Variants in MAP3K12 observed in about 807,000 individuals in gnomAD.
MAP3K12 encodes the protein mitogen-activated protein kinase kinase kinase 12.
MAP3K12 carries 14 observed loss-of-function variants against 87.5 expected under a neutral mutation model. The observed-to-expected ratio is 0.16, with a 90% CI of 0.11 to 0.25. MAP3K12 has a LOEUF of 0.25. MAP3K12 is among the 10% of genes least tolerant of loss of function. The pLI, the probability that MAP3K12 is intolerant of heterozygous loss-of-function variation, is 1.00. For missense variants in MAP3K12, 802 were observed against 1,140.4 expected (o/e 0.70, Z 4.27); for synonymous variants, 469 against 452.5 (o/e 1.04, Z -0.46).
chr12:53,485,816 A>G (rs192641286), intron 4 of MAP3K12: 146 of 541,440 alleles, frequency 2.7e-4, no homozygotes, highest in Admixed American at 1.1e-3. Flanking sequence ...TCGGCCTCCC[A>G]AAGTGTTGGG....
At position 53,482,464 on chromosome 12, in the gene MAP3K12, A is replaced by T. The variant is rs565838164; in HGVS notation, c.2239-95T>A. Reference sequence around the variant, plus strand: ...GGAACATAGTTACGAAGGGTGAAGTAGGGAATGGCTTAAAATTGAGCATAA... The same window carrying T: ...GGAACATAGTTACGAAGGGTGAAGTTGGGAATGGCTTAAAATTGAGCATAA... On this transcript the variant is annotated intron_variant, in intron 11 of 13. Transcript: ENST00000547488. 688 of 1,606,766 alleles carry T rather than the reference A, an allele frequency of 4.3e-4. 1 individual carries two copies. Among genetic ancestry groups the T allele is most frequent in the Non-Finnish European group, 5.6e-4 (663 of 1,175,938 alleles).
In MAP3K12 at chr12:53,484,316, G is replaced by C; in HGVS notation, c.1189C>G (p.Leu397Val). 1 of 1,614,224 alleles carries C rather than the reference G, an allele frequency of 6.2e-7. No homozygotes were observed. The highest frequency in any genetic ancestry group is 1.1e-5 in the South Asian group (1 of 91,084). The change falls in exon 7 of 14, where the codon CTG becomes GTG. Residue 397 changes from leucine to valine, a missense_variant. Physicochemically the swap from Leu to Val is conservative, Grantham distance 32. Around this residue, in one of 5 missense-constraint regions of MAP3K12, gnomAD observed 99 missense variants for 193.4 expected, o/e 0.51. Transcript: ENST00000547488. The part of the protein sequence containing the change: ...RPSFRQILLH[L>V]DIASADVLST... ...AGTACATCAGCTGAGGCAATGTCCA[G>C]ATGCAGCAGGATCTGTCGGAATGAT... is the stretch of plus-strand genomic sequence containing the variant.
intron 1 of MAP3K12, among the ~76,000 whole-genome samples, chr12:53,496,502 G>C (rs1052295971): frequency 5.3e-5 from 8 of 152,206 alleles, no homozygotes; most frequent in African/African-American, 1.9e-4. Flanking sequence ...GGCAAGAGCA[G>C]GGTAGGATGG....
chr12:53,486,729 A>G lies in MAP3K12; in HGVS notation c.446-107T>C. On this transcript the variant is annotated intron_variant, in intron 2 of 13. Coordinates refer to ENST00000547488, the MANE Select transcript of MAP3K12 (RefSeq NM_001193511.2). This position sits in a 1 kb window ranked among gnomAD's most constrained non-coding sequence, Gnocchi z 4.9. ...AATTGACTTAAGGAGGGTGAGGCAG[A>G]AAGCCAAAAATAGGCCAAGAAGAAG... The G allele has an allele frequency of 6.9e-7, 1 of 1,453,652 alleles. No homozygotes were observed. Among genetic ancestry groups the G allele is most frequent in the South Asian group, 1.4e-5 (1 of 69,068 alleles). 90.0% of individuals were successfully genotyped at this position (1,453,652 alleles called of 1,614,324 possible).
rs1555212338 is a variant in MAP3K12, at chr12:53,491,301, A to AG, written c.-37-3874_-37-3873insC. Among the ~76,000 whole-genome samples the AG allele has an allele frequency of 5.4e-3, 553 of 101,592 alleles. 10 individuals are homozygous for AG. The highest frequency in any genetic ancestry group is 0.02 in the African/African-American group (536 of 26,624). The allele number at this position is 101,592 out of a possible 152,430, so 66.6% of individuals were successfully genotyped here. A position where few individuals can be genotyped will look rare whatever the true frequency, so the allele number is the denominator to read the frequency against. Reference sequence around the variant, plus strand: ...AGACTCTGTCTCAAAAAAAAAAAAAAAAAAGAAAAGAAAAGAAAAACAGGC... The same window carrying AG: ...AGACTCTGTCTCAAAAAAAAAAAAAAGAAAAGAAAAGAAAAGAAAAACAGGC... On this transcript the variant is annotated intron_variant, in intron 1 of 13. Coordinates refer to ENST00000547488, the MANE Select transcript of MAP3K12 (RefSeq NM_001193511.2).
At position 53,482,264 on chromosome 12, in the gene MAP3K12, A is replaced by G. The variant is rs546004063; in HGVS notation, c.2309+35T>C. The G allele has an allele frequency of 1.2e-4, 186 of 1,614,196 alleles. 1 individual carries two copies. In the South Asian group the frequency reaches 1.3e-3, roughly 11 times the overall value. ...TTGGTTCTGCCCCTAGCAGAAAACAAGAATGCCATTAATTCTTGTAATGCC... is the reference window on the plus strand; with the variant it reads ...TTGGTTCTGCCCCTAGCAGAAAACAGGAATGCCATTAATTCTTGTAATGCC... On this transcript the variant is annotated intron_variant, in intron 12 of 13. Transcript: ENST00000547488.
In MAP3K12 at chr12:53,487,370, G is replaced by A. The variant is rs1361478258; in HGVS notation, c.22C>T (p.Arg8Ter). 1.2e-6 allele frequency: 2 copies of A among 1,612,450 alleles called. No homozygotes were observed. The highest frequency in any genetic ancestry group is 1.3e-5 in the African/African-American group (1 of 74,832). Residue 8 changes from arginine to a stop codon, truncating the protein, a stop_gained, in exon 2 of 14, where the codon CGA (arginine) becomes TGA (stop). Coordinates refer to ENST00000547488, the MANE Select transcript of MAP3K12 (RefSeq NM_001193511.2). LOFTEE classifies it high-confidence loss of function. MACLHET[R>*]TPSPSFGGFV... Reference sequence around the variant, plus strand: ...CCCCCAAAGGAAGGAGAGGGTGTTCGGGTCTCATGGAGGCAAGCCATCGCC... The same window carrying A: ...CCCCCAAAGGAAGGAGAGGGTGTTCAGGTCTCATGGAGGCAAGCCATCGCC...
At chr12:53,484,472 T>C (rs1450398660) in intron 6 of MAP3K12, 107 bp from the exon 7 acceptor site, 1 of 739,476 alleles carries the variant, frequency 1.4e-6, no homozygotes, top group Non-Finnish European at 2.3e-6. Flanking sequence ...AATCCTAGAA[T>C]GTACTCTGTG....
upstream of MAP3K12, chr12:53,501,478 C>A: frequency 1.3e-6 from 2 of 1,560,824 alleles, no homozygotes; most frequent in East Asian, 2.4e-5. Flanking sequence ...CGTCTCGTAC[C>A]GATTCCTTCA....
chr12:53,489,975 T>G (rs1258903992), intron 1 of MAP3K12, among the ~76,000 whole-genome samples: 1 of 152,170 alleles, frequency 6.6e-6, no homozygotes, highest in Non-Finnish European at 1.5e-5. Context: ...CTAACCCCAA[T>G]TCTCCACCCA....
chr12:53,497,526 G>T (rs1248123367), intron 1 of MAP3K12, among the ~76,000 whole-genome samples: 2 of 152,096 alleles, frequency 1.3e-5, no homozygotes, highest in Non-Finnish European at 2.9e-5. Flanking sequence ...AGTCCTTCTG[G>T]GAGCCAATGA....
chr12:53,484,188 T>A, intron 7 of MAP3K12, 69 bp downstream of exon 7: 1 of 1,460,832 alleles, frequency 6.8e-7, no homozygotes, highest in Non-Finnish European at 9.5e-7. Context: ...TTTCCCAGCC[T>A]CCCCCTCAAA....
chr12:53,483,495 C>T lies in MAP3K12; in HGVS notation c.1476-9G>A, dbSNP rs1189239110. On this transcript the variant is annotated splice_polypyrimidine_tract_variant and intron_variant, in intron 9 of 13. Transcript: ENST00000547488. ...CTAAAGCTTGCTCTCGCCTAAAGAT[C>T]CAGGCACCTTCTCAGCTGGGCAAAT... The T allele has an allele frequency of 6.2e-7, 1 of 1,614,006 alleles. No homozygotes were observed. The highest frequency in any genetic ancestry group is 8.5e-7 in the Non-Finnish European group (1 of 1,179,978).
rs750840404 is a variant in MAP3K12, at chr12:53,483,937, C to T, written c.1332G>A (p.Leu444=). Residue 444 remains leucine, a synonymous_variant, in exon 8 of 14, where the codon CTG becomes CTA. Coordinates refer to ENST00000547488, the MANE Select transcript of MAP3K12 (RefSeq NM_001193511.2). ...GTCLHRLEEE[L]VMRRREELRH... ...TGAGCTCCTCCCTCCTCCTCATCAC[C>T]AGTTCCTCTTCTAGGCGGTGCAGAC... is the stretch of plus-strand genomic sequence containing the variant. The T allele has an allele frequency of 1.3e-5, 21 of 1,614,070 alleles. No individual in the cohort carries two copies. In the South Asian group the frequency reaches 2.2e-4, roughly 17 times the overall value.
intron 13 of MAP3K12, 39 bp from the exon 14 acceptor site, chr12:53,481,319 G>A: frequency 8.1e-7 from 1 of 1,229,848 alleles, no homozygotes; most frequent in South Asian, 1.7e-5. Flanking sequence ...ATTCCTTGGG[G>A]TTCTTTGCTG....
intron 1 of MAP3K12, among the ~76,000 whole-genome samples, chr12:53,491,301 A>AAAAAGAAAAG (rs1555212340): frequency 3.0e-5 from 3 of 101,556 alleles, no homozygotes; most frequent in African/African-American, 1.1e-4. Flanking sequence ...AAAAAAAAAA[A>AAAAAGAAAAG]AAAAGAAAAG....
chr12:53,492,074 CAAAA>C (rs397849916), intron 1 of MAP3K12, among the ~76,000 whole-genome samples: 8 of 100,898 alleles, frequency 7.9e-5, no homozygotes, highest in South Asian at 6.6e-4. Flanking sequence ...GACTCTGTTT[CAAAA>C]AAAAAAAAAA....
rs901734022 is a variant in MAP3K12 at position 53,484,322 on chromosome 12, G to A, written c.1183C>T (p.Leu395=). 3 of 1,614,198 alleles carry A rather than the reference G, an allele frequency of 1.9e-6. No individual in the cohort carries two copies. The highest frequency in any genetic ancestry group is 1.7e-5 in the Admixed American group (1 of 60,012). ...RNRPSFRQIL[L]HLDIASADVL... ...TCAGCTGAGGCAATGTCCAGATGCA[G>A]CAGGATCTGTCGGAATGATGGGCGA... is the stretch of plus-strand genomic sequence containing the variant. The change falls in exon 7 of 14, where the codon CTG becomes TTG. Residue 395 remains leucine, a synonymous_variant. Coordinates refer to ENST00000547488, the MANE Select transcript of MAP3K12 (RefSeq NM_001193511.2).
chr12:53,496,817 T>C (rs1383141256), intron 1 of MAP3K12, among the ~76,000 whole-genome samples: 1 of 152,236 alleles, frequency 6.6e-6, no homozygotes, highest in East Asian at 1.9e-4. Flanking sequence ...ACTTAGCTTA[T>C]TAGGACAGTT....
Sources: gnomAD v4.1 joint callset for allele counts (sites outside exome capture counted in the v4.1 genomes callset) on GRCh38, gnomAD v4.1.1 for gene constraint, gnomAD v4.1.1 regional missense constraint, Gnocchi (gnomAD v3.1) non-coding constraint, MANE v1.5 for transcripts, NCBI Gene and HGNC (gene_info 2026-07-23, HGNC 2026-07-21) for gene names.